Variants in GLIPR1L2 observed in about 807,000 individuals in gnomAD.
The protein encoded by GLIPR1L2 is GLIPR1-like protein 2.
In GLIPR1L2, 21 loss-of-function variants were observed where a neutral mutation model predicts 28.4. The observed-to-expected ratio is 0.74, with a 90% CI of 0.52 to 1.06. The LOEUF (loss-of-function observed/expected upper bound fraction) is 1.06, where lower values mean the gene tolerates loss of function less well. GLIPR1L2 is among the 50% of genes least tolerant of loss of function. GLIPR1L2 has a pLI of 0.00. For synonymous variants in GLIPR1L2, 145 were observed against 139.3 expected, an observed-to-expected ratio of 1.04 and a Z score of -0.29; for missense variants, 476 against 416.9, an observed-to-expected ratio of 1.14 and a Z score of -1.23.
chr12:75,400,929 A>ATATG (rs2045734197), intron 1 of GLIPR1L2, among the ~76,000 whole-genome samples: 2 of 151,816 alleles, frequency 1.3e-5, no homozygotes, highest in South Asian at 2.1e-4. Context: ...ATATATATAT[A>ATATG]TGTGTGTGTA....
intron 1 of GLIPR1L2, among the ~76,000 whole-genome samples, chr12:75,406,025 C>T (rs1410197871): frequency 2.3e-4 from 34 of 146,852 alleles, no homozygotes; most frequent in South Asian, 2.1e-4. Flanking sequence ...TTAAAGTAAT[C>T]GACTTAGAAT....
chr12:75,392,854 C>A (rs183730291), intron 1 of GLIPR1L2, among the ~76,000 whole-genome samples: 2 of 151,302 alleles, frequency 1.3e-5, no homozygotes, highest in African/African-American at 4.8e-5. Context: ...GGTTAAAGTC[C>A]CACCCTAAAT....
At position 75,413,604 on chromosome 12, in the gene GLIPR1L2, T is replaced by C. The variant is rs1194129624; in HGVS notation, c.487T>C (p.Trp163Arg). The C allele has an allele frequency of 5.2e-6, 8 of 1,542,734 alleles. No homozygotes were observed. The highest frequency in any genetic ancestry group is 7.0e-6 in the Non-Finnish European group (8 of 1,147,306). Residue 163 changes from tryptophan (W) to arginine (R), a missense_variant, in exon 3 of 6, where the codon TGG becomes CGG. Coordinates refer to ENST00000550916, the MANE Select transcript of GLIPR1L2 (RefSeq NM_001270396.2). Reference sequence around the variant, plus strand: ...CTTGAAAATTTTATTTTAGCTTGTTTGGGACCACTCTTACAAAGTTGGTTG... The same window carrying C: ...CTTGAAAATTTTATTTTAGCTTGTTCGGGACCACTCTTACAAAGTTGGTTG... Reference protein sequence around the residue: ...GDCSNYIQLVWDHSYKVGCAV... With the variant: ...GDCSNYIQLVRDHSYKVGCAV...
At chr12:75,396,351 G>T (rs2139917489) in intron 1 of GLIPR1L2, among the ~76,000 whole-genome samples, 1 of 151,858 alleles carries the variant, frequency 6.6e-6, no homozygotes, top group African/African-American at 2.4e-5. Context: ...TTTTGTAGAG[G>T]CAGAGTTTTG....
chr12:75,420,031 TC>T (rs1393887995), intron 3 of GLIPR1L2, among the ~76,000 whole-genome samples: 1 of 152,212 alleles, frequency 6.6e-6, no homozygotes, highest in Non-Finnish European at 1.5e-5. Flanking sequence ...AACCCATAGA[TC>T]TTCCAGAAAC....
intron 4 of GLIPR1L2, chr12:75,423,663 G>T (rs2046002604): frequency 5.6e-6 from 1 of 180,124 alleles, no homozygotes; most frequent in Non-Finnish European, 1.1e-5. Context: ...GTGGTTTGCT[G>T]CACCCATGAA....
chr12:75,431,226 CAGA>C lies in GLIPR1L2; in HGVS notation c.*67_*69del. ...ACCAAAAGTGTAATACAAAAAAAGA[CAGA>C]AAAAAAAAAAAAGTAAAACACTGAG... On this transcript the variant is annotated 3_prime_UTR_variant, in exon 6 of 6. Coordinates refer to ENST00000550916, the MANE Select transcript of GLIPR1L2 (RefSeq NM_001270396.2). 3 of 459,828 alleles carry C rather than the reference CAGA, an allele frequency of 6.5e-6. No homozygotes were observed. Among genetic ancestry groups the C allele is most frequent in the Non-Finnish European group, 1.1e-5 (3 of 264,492 alleles). The allele number at this position is 459,828 out of a possible 1,614,324, so 28.5% of individuals were successfully genotyped here.
At chr12:75,429,938 C>CTTTTCTTTT (rs2046074415) in intron 4 of GLIPR1L2, among the ~76,000 whole-genome samples, 2 of 128,656 alleles carry the variant, frequency 1.6e-5, no homozygotes, top group Admixed American at 8.0e-5. Flanking sequence ...TCTTTTCTTT[C>CTTTTCTTTT]TTTTTTTTTT....
chr12:75,399,750 G>A (rs1215904805), intron 1 of GLIPR1L2, among the ~76,000 whole-genome samples: 2 of 152,148 alleles, frequency 1.3e-5, no homozygotes, highest in Admixed American at 1.3e-4. Context: ...TGACTAATCA[G>A]TTTTTTAAAA....
At chr12:75,402,274 T>G (rs2045750294) in intron 1 of GLIPR1L2, among the ~76,000 whole-genome samples, 2 of 152,192 alleles carry the variant, frequency 1.3e-5, no homozygotes, top group Non-Finnish European at 2.9e-5. Flanking sequence ...GAAGATCTGT[T>G]CTTTAAATAG....
intron 4 of GLIPR1L2, among the ~76,000 whole-genome samples, chr12:75,429,386 G>A (rs1006707751): frequency 4.6e-5 from 7 of 152,332 alleles, no homozygotes; most frequent in Non-Finnish European, 8.8e-5. Flanking sequence ...CATTTGGAAT[G>A]GGAGCATTTA....
intron 3 of GLIPR1L2, among the ~76,000 whole-genome samples, chr12:75,416,606 G>A (rs907632272): frequency 2.6e-5 from 4 of 152,112 alleles, no homozygotes; most frequent in African/African-American, 9.7e-5. Flanking sequence ...GCTGCTGAGA[G>A]AATGAGAAAT....
chr12:75,405,538 G>A (rs761169862), intron 1 of GLIPR1L2, among the ~76,000 whole-genome samples: 19 of 152,048 alleles, frequency 1.2e-4, no homozygotes, highest in Non-Finnish European at 2.2e-4. Context: ...TTGATCACAG[G>A]TTCAAATTAT....
chr12:75,411,955 C>G (rs911653163), intron 2 of GLIPR1L2, among the ~76,000 whole-genome samples: 1 of 151,912 alleles, frequency 6.6e-6, no homozygotes, highest in Admixed American at 6.6e-5. Context: ...TTTTTCACTC[C>G]AATTCAAGAT....
intron 1 of GLIPR1L2, among the ~76,000 whole-genome samples, chr12:75,391,829 T>A (rs1466670791): frequency 1.3e-5 from 2 of 152,176 alleles, no homozygotes; most frequent in Admixed American, 1.3e-4. Context: ...GCTTTTTCCA[T>A]CATCGATGTC....
chr12:75,427,814 T>G (rs1267368556), intron 4 of GLIPR1L2, among the ~76,000 whole-genome samples: 1 of 152,208 alleles, frequency 6.6e-6, no homozygotes, highest in African/African-American at 2.4e-5. Context: ...CCCCTGCCTC[T>G]CCTGCCACCA....
At chr12:75,400,950 T>G (rs1160585697) in intron 1 of GLIPR1L2, among the ~76,000 whole-genome samples, 7 of 152,074 alleles carry the variant, frequency 4.6e-5, no homozygotes, top group Admixed American at 2.6e-4. Flanking sequence ...TTTTTGTTAT[T>G]TAATCATATG....
At position 75,412,798 on chromosome 12, in the gene GLIPR1L2, G is replaced by T. The variant is rs989500210; in HGVS notation, c.481-800G>T. On this transcript the variant is annotated intron_variant, in intron 2 of 5. Coordinates refer to ENST00000550916, the MANE Select transcript of GLIPR1L2 (RefSeq NM_001270396.2). Reference sequence around the variant, plus strand: ...GGAAGTCAGTGTGGCGATTCCTCAGGGATCTAGAACTAGAAATACCATTTG... The same window carrying T: ...GGAAGTCAGTGTGGCGATTCCTCAGTGATCTAGAACTAGAAATACCATTTG... Among the ~76,000 whole-genome samples, 31 of 151,924 alleles carry T rather than the reference G, an allele frequency of 2.0e-4. 1 individual carries two copies. The highest frequency in any genetic ancestry group is 7.5e-4 in the African/African-American group (31 of 41,352).
At chr12:75,420,937 T>A (rs1370183638) in intron 3 of GLIPR1L2, among the ~76,000 whole-genome samples, 1 of 152,214 alleles carries the variant, frequency 6.6e-6, no homozygotes, top group Non-Finnish European at 1.5e-5. Flanking sequence ...ATGTATGCAT[T>A]ATTATATTTG....
Sources: allele counts gnomAD v4.1 joint callset (sites outside exome capture counted in the v4.1 genomes callset), GRCh38; gene constraint gnomAD v4.1.1; transcripts MANE v1.5; gene names NCBI Gene and HGNC (gene_info 2026-07-23, HGNC 2026-07-21).